The following SPARC variants were observed in gnomAD, a reference collection of about 807,000 sequenced individuals.
SPARC encodes the protein basement-membrane protein 40.
In SPARC, 23 loss-of-function variants were observed where a neutral mutation model predicts 37.7. That is an observed-to-expected ratio of 0.61 (90% CI 0.44 to 0.87). SPARC has a LOEUF of 0.87. Ranked by LOEUF, SPARC falls within the 40% of genes least tolerant of loss-of-function variation. The pLI is 0.00. For missense variants in SPARC, 312 were observed against 389.0 expected, an observed-to-expected ratio of 0.80 and a Z score of 1.66; for synonymous variants, 155 against 150.8, an observed-to-expected ratio of 1.03 and a Z score of -0.20.
intron 4 of SPARC, among the ~76,000 whole-genome samples, chr5:151,672,014 G>A (rs538704127): frequency 6.6e-6 from 1 of 152,288 alleles, no homozygotes; most frequent in Admixed American, 6.5e-5. Flanking sequence ...GTGTTCCTGG[G>A]TCTCCATTGA....
chr5:151,668,777 T>C (rs1760684313), intron 6 of SPARC, among the ~76,000 whole-genome samples: 1 of 152,178 alleles, frequency 6.6e-6, no homozygotes. Context: ...AGGGACTTCC[T>C]ACCCATGCTT....
At chr5:151,686,270 T>G (rs1348803035) in intron 1 of SPARC, 2 of 151,988 alleles carry the variant, frequency 1.3e-5, no homozygotes, top group African/African-American at 4.8e-5. Flanking sequence ...GTGCTGAAAT[T>G]TGTGTATTGG....
chr5:151,669,695 C>T lies in SPARC; in HGVS notation c.420G>A (p.Lys140=), dbSNP rs1213296052. The change falls in exon 6 of 10, where the codon AAG becomes AAA. Residue 140 remains lysine (K), a synonymous_variant. Transcript: ENST00000231061. ...CTLEGTKKGH[K]LHLDYIGPCK... The stretch of plus-strand genomic sequence containing the variant: ...AAGGCCCGATGTAGTCCAGGTGGAG[C>T]TTGTGGCCCTTCTTGGTGCCCTCCA... 2 of 1,614,082 alleles carry T rather than the reference C, an allele frequency of 1.2e-6. No homozygotes were observed. Among genetic ancestry groups the T allele is most frequent in the South Asian group, 1.1e-5 (1 of 91,092 alleles).
chr5:151,682,410 C>G (rs1392751503), intron 1 of SPARC, among the ~76,000 whole-genome samples: 2 of 152,224 alleles, frequency 1.3e-5, no homozygotes, highest in East Asian at 3.8e-4. Flanking sequence ...GAAATAACAT[C>G]AAAGTGTCCA....
chr5:151,661,398 C>T lies in SPARC; in HGVS notation c.*2173G>A, dbSNP rs1438599504. On this transcript the variant is annotated 3_prime_UTR_variant, in exon 10 of 10. Transcript: ENST00000231061. ...TGGCCAGCACCAAATGGGCCAATCT[C>T]TCCTACTGCTCGCCCTCCCACTGTG... The T allele has an allele frequency of 6.6e-6, 1 of 152,236 alleles. No homozygotes were observed. The highest frequency in any genetic ancestry group is 2.4e-5 in the African/African-American group (1 of 41,462). 9.4% of individuals were successfully genotyped at this position (152,236 alleles called of 1,614,324 possible).
chr5:151,669,870 A>G (rs1220068000), intron 5 of SPARC, 86 bp from the exon 6 acceptor site: 1 of 1,538,672 alleles, frequency 6.5e-7, no homozygotes, highest in Non-Finnish European at 8.9e-7. Context: ...AGAGATGGGG[A>G]CACTGAGGGT....
chr5:151,678,759 T>C (rs1760919089), intron 1 of SPARC, among the ~76,000 whole-genome samples: 1 of 152,174 alleles, frequency 6.6e-6, no homozygotes, highest in South Asian at 2.1e-4. Flanking sequence ...ACGCAAAATC[T>C]TGGAATACAC....
At chr5:151,677,590 T>C (rs1444408270) in intron 1 of SPARC, among the ~76,000 whole-genome samples, 2 of 152,154 alleles carry the variant, frequency 1.3e-5, no homozygotes, top group Non-Finnish European at 2.9e-5. Flanking sequence ...CATCTATCAA[T>C]TGAAATGGGT....
At chr5:151,680,456 G>A (rs771704376) in intron 1 of SPARC, among the ~76,000 whole-genome samples, 3 of 151,694 alleles carry the variant, frequency 2.0e-5, no homozygotes, top group East Asian at 1.9e-4. Flanking sequence ...GGCTGGTCTC[G>A]AACTCCTGAC....
chr5:151,671,646 T>A lies in SPARC; in HGVS notation c.257A>T (p.Asp86Val), dbSNP rs766296557. The A allele has an allele frequency of 6.2e-7, 1 of 1,612,500 alleles. No individual in the cohort carries two copies. The highest frequency in any genetic ancestry group is 8.5e-7 in the Non-Finnish European group (1 of 1,179,122). The change falls in exon 5 of 10, where the codon GAT becomes GTT. Residue 86 changes from aspartate to valine, a missense_variant. By Grantham distance (152) the Asp-to-Val change is radical (BLOSUM62 -3). Coordinates refer to ENST00000231061, the MANE Select transcript of SPARC (RefSeq NM_003118.4). Reference protein sequence around the residue: ...HCKHGKVCELDENNTPMCVCQ... With the variant: ...HCKHGKVCELVENNTPMCVCQ... ...CACGCACATGGGGGTGTTGTTCTCA[T>A]CCAGCTCGCACACCTTGCCGTGTTT...
Position 151,666,512 on chromosome 5 carries a change from G to A in SPARC, c.586-3C>T. The A allele has an allele frequency of 6.2e-7, 1 of 1,613,434 alleles. No individual in the cohort carries two copies. The highest frequency in any genetic ancestry group is 1.3e-5 in the African/African-American group (1 of 75,046). On this transcript the variant is annotated splice_polypyrimidine_tract_variant and splice_region_variant and intron_variant, in intron 7 of 9. Transcript: ENST00000231061. ...TCATTCTCATGGATCTTCTTCACCT[G>A]AGGGAGTAGAGACTGTGTGTGACAA... is the stretch of plus-strand genomic sequence containing the variant.
chr5:151,685,565 G>A (rs1307921426), intron 1 of SPARC, among the ~76,000 whole-genome samples: 2 of 151,956 alleles, frequency 1.3e-5, no homozygotes, highest in African/African-American at 2.4e-5. Context: ...AGGACACAAA[G>A]CACCCCAAAG....
At chr5:151,663,959 G>A in intron 9 of SPARC, 128 bp downstream of exon 9, 5 of 1,116,008 alleles carry the variant, frequency 4.5e-6, no homozygotes, top group South Asian at 1.4e-5. Flanking sequence ...TAGGCAGAGA[G>A]AGCAGAGACA....
At chr5:151,685,189 C>G (rs1321701196) in intron 1 of SPARC, 2 of 152,150 alleles carry the variant, frequency 1.3e-5, no homozygotes, top group African/African-American at 4.8e-5. Flanking sequence ...TCCTCCCTCC[C>G]CCTCTTTGCT....
intron 5 of SPARC, among the ~76,000 whole-genome samples, chr5:151,670,359 T>G (rs1180078225): frequency 6.6e-6 from 1 of 152,246 alleles, no homozygotes; most frequent in Non-Finnish European, 1.5e-5. Context: ...AGGGTACCTA[T>G]GTGACCAGCC....
At chr5:151,680,455 C>T (rs1050664995) in intron 1 of SPARC, among the ~76,000 whole-genome samples, 15 of 151,866 alleles carry the variant, frequency 9.9e-5, no homozygotes, top group African/African-American at 1.5e-4. Context: ...AGGCTGGTCT[C>T]GAACTCCTGA....
chr5:151,676,000 GA>G (rs1233786356), intron 2 of SPARC, 131 bp downstream of exon 2: 826 of 617,546 alleles, frequency 1.3e-3, no homozygotes, highest in Middle Eastern at 3.0e-3. Flanking sequence ...CCTAACTTAA[GA>G]AAAAAAAAAG....
Position 151,671,291 on chromosome 5 carries a change from C to T in SPARC, c.330+282G>A, listed in dbSNP as rs551911933. ...GGCCCCAGAACCCGTATTTTTGGAC[C>T]TGATTCTTTGCTGATGCTGTTATAC... On this transcript the variant is annotated intron_variant, in intron 5 of 9. Coordinates refer to ENST00000231061, the MANE Select transcript of SPARC (RefSeq NM_003118.4). Among the ~76,000 whole-genome samples, 8 of 152,244 alleles carry T rather than the reference C, an allele frequency of 5.3e-5. No homozygotes were observed. In the East Asian group the frequency reaches 1.4e-3, roughly 26 times the overall value.
intron 2 of SPARC, among the ~76,000 whole-genome samples, chr5:151,675,441 T>A (rs1167684131): frequency 6.6e-6 from 1 of 152,178 alleles, no homozygotes; most frequent in East Asian, 1.9e-4. Flanking sequence ...GGCCCCACTC[T>A]CACCTGGCCA....
Sources: gnomAD v4.1 joint callset for allele counts (sites outside exome capture counted in the v4.1 genomes callset) on GRCh38, gnomAD v4.1.1 for gene constraint, MANE v1.5 for transcripts, NCBI Gene and HGNC (gene_info 2026-07-23, HGNC 2026-07-21) for gene names.